The following DLC1 variants were observed in gnomAD, a reference collection of about 807,000 sequenced individuals.
DLC1 encodes the protein DLC1 Rho GTPase activating protein.
In DLC1, 54 loss-of-function variants were observed where a neutral mutation model predicts 140.3. That is an observed-to-expected ratio of 0.38 (90% confidence interval 0.31 to 0.48). The LOEUF is 0.48. DLC1 is among the 20% of genes least tolerant of loss of function. The pLI, the probability that DLC1 is intolerant of heterozygous loss-of-function variation, is 0.96. For synonymous variants in DLC1, 986 were observed against 728.1 expected, an observed-to-expected ratio of 1.35 and a Z score of -5.70; for missense variants, 2,536 against 1,907.0, an observed-to-expected ratio of 1.33 and a Z score of -6.14.
At chr8:13,195,705 C>T (rs1225566816) in intron 5 of DLC1, among the ~76,000 whole-genome samples, 1 of 152,180 alleles carries the variant, frequency 6.6e-6, no homozygotes, top group Admixed American at 6.6e-5. Flanking sequence ...TATTTTCTAA[C>T]ATAGCTCCTT....
intron 2 of DLC1, among the ~76,000 whole-genome samples, chr8:13,488,551 C>T (rs1267838748): frequency 6.6e-6 from 1 of 152,142 alleles, no homozygotes. Flanking sequence ...CCCTTTCCCT[C>T]ATTTATTCCC....
At chr8:13,116,612 T>C (rs1820576687) in intron 5 of DLC1, among the ~76,000 whole-genome samples, 1 of 152,234 alleles carries the variant, frequency 6.6e-6, no homozygotes, top group Non-Finnish European at 1.5e-5. Context: ...GGGAGACTAA[T>C]AGTTCATATC....
At chr8:13,095,538 G>C (rs1053590690) in intron 10 of DLC1, 3 of 328,246 alleles carry the variant, frequency 9.1e-6, no homozygotes, top group African/African-American at 4.1e-5. Flanking sequence ...TCTTCTAAGA[G>C]TGGGGGTTGA....
At chr8:13,532,756 C>T (rs1803141907) in intron 1 of DLC1, among the ~76,000 whole-genome samples, 1 of 152,158 alleles carries the variant, frequency 6.6e-6, no homozygotes, top group South Asian at 2.1e-4. Context: ...GGCTAAAGCA[C>T]AAAGCTCTTA....
chr8:13,237,550 G>A (rs181103536), intron 5 of DLC1, among the ~76,000 whole-genome samples: 35 of 151,900 alleles, frequency 2.3e-4, no homozygotes, highest in Non-Finnish European at 4.4e-5. Context: ...AGGTTTTGGT[G>A]CACCCATCAC....
chr8:13,197,653 T>A (rs113863792), intron 5 of DLC1, among the ~76,000 whole-genome samples: 7 of 151,860 alleles, frequency 4.6e-5, no homozygotes, highest in African/African-American at 1.7e-4. Flanking sequence ...GCCGATTTAT[T>A]TTTTTTTAAA....
intron 5 of DLC1, among the ~76,000 whole-genome samples, chr8:13,195,666 A>G (rs1327041122): frequency 6.6e-6 from 1 of 152,226 alleles, no homozygotes. Context: ...AAGCCATACA[A>G]AAACAGATTT....
chr8:13,195,358 C>A (rs954114035), intron 5 of DLC1, among the ~76,000 whole-genome samples: 1 of 152,184 alleles, frequency 6.6e-6, no homozygotes, highest in Non-Finnish European at 1.5e-5. Flanking sequence ...TTCAATCAAT[C>A]ATGTTCTTAC....
intron 4 of DLC1, among the ~76,000 whole-genome samples, chr8:13,328,614 G>A (rs1486204780): frequency 6.6e-6 from 1 of 152,128 alleles, no homozygotes; most frequent in Non-Finnish European, 1.5e-5. Context: ...GAGAATAGAG[G>A]TCTTGGCTGA....
chr8:13,372,763 A>ATTGTT (rs1402087955), intron 4 of DLC1, among the ~76,000 whole-genome samples: 10 of 152,230 alleles, frequency 6.6e-5, no homozygotes, highest in Admixed American at 2.0e-4. Context: ...TCTTTAGCAC[A>ATTGTT]AGAGTTTTAT....
intron 1 of DLC1, among the ~76,000 whole-genome samples, chr8:13,525,500 T>A (rs980543598): frequency 4.6e-5 from 7 of 152,228 alleles, no homozygotes; most frequent in Admixed American, 2.6e-4. Context: ...CAACAGTTGG[T>A]ATGATGAGTC....
Position 13,099,761 on chromosome 8 carries a change from C to T in DLC1, c.2576G>A (p.Ser859Asn), listed in dbSNP as rs374218921. The T allele has an allele frequency of 9.3e-6, 15 of 1,614,126 alleles. No individual in the cohort carries two copies. In the African/African-American group the frequency reaches 1.5e-4, roughly 16 times the overall value. ...ATTGCGTCTCTTCAGTTCCTTGGGGCTGTCGCTACTGTTTTCCCTCCTGAG... is the reference window on the plus strand; with the variant it reads ...ATTGCGTCTCTTCAGTTCCTTGGGGTTGTCGCTACTGTTTTCCCTCCTGAG... ...ISLRRENSSD[S>N]PKELKRRNSS... Residue 859 changes from serine to asparagine, a missense_variant, in exon 9 of 18, where the codon AGC (serine) becomes AAC (asparagine). Coordinates refer to ENST00000276297, the MANE Select transcript of DLC1 (RefSeq NM_182643.3).
At chr8:13,268,039 A>C (rs551213689) in intron 5 of DLC1, among the ~76,000 whole-genome samples, 1 of 152,296 alleles carries the variant, frequency 6.6e-6, no homozygotes, top group South Asian at 2.1e-4. Flanking sequence ...TACAGCCCAT[A>C]TGTGCTAAAC....
At chr8:13,597,335 G>C (rs1805716084) in intron 1 of DLC1, among the ~76,000 whole-genome samples, 1 of 151,968 alleles carries the variant, frequency 6.6e-6, no homozygotes, top group African/African-American at 2.4e-5. Context: ...CCAAAGACGT[G>C]AACCGTATTG....
rs1000877202 is a variant in DLC1 at position 13,083,365 on chromosome 8, G to C, written c.*2446C>G. On this transcript the variant is annotated 3_prime_UTR_variant, in exon 18 of 18. Transcript: ENST00000276297. ...AACAGAAGCTAATCCAATCAGTTCAGTATAGCAAATAATAAATTTATTAGG... is the reference window on the plus strand; with the variant it reads ...AACAGAAGCTAATCCAATCAGTTCACTATAGCAAATAATAAATTTATTAGG... The C allele has an allele frequency of 6.6e-6, 1 of 152,056 alleles. No individual in the cohort carries two copies. Among genetic ancestry groups the C allele is most frequent in the Non-Finnish European group, 1.5e-5 (1 of 68,030 alleles). The allele number at this position is 152,056 out of a possible 1,614,324, so 9.4% of individuals were successfully genotyped here.
chr8:13,246,720 C>T (rs1829779662), intron 5 of DLC1, among the ~76,000 whole-genome samples: 1 of 151,856 alleles, frequency 6.6e-6, no homozygotes, highest in Non-Finnish European at 1.5e-5. Context: ...GCCATTGCTT[C>T]ACTAACATCT....
At chr8:13,531,867 C>G (rs1189861303) in intron 1 of DLC1, among the ~76,000 whole-genome samples, 1 of 152,064 alleles carries the variant, frequency 6.6e-6, no homozygotes, top group Non-Finnish European at 1.5e-5. Context: ...CCATATATTA[C>G]AAAAGGAAAA....
intron 2 of DLC1, among the ~76,000 whole-genome samples, chr8:13,487,304 C>T (rs1330012550): frequency 2.0e-5 from 3 of 151,982 alleles, no homozygotes; most frequent in African/African-American, 7.3e-5. Context: ...AATATTCCTG[C>T]CATAGGTTTG....
At chr8:13,541,131 T>G (rs559483197) in intron 1 of DLC1, among the ~76,000 whole-genome samples, 1 of 152,356 alleles carries the variant, frequency 6.6e-6, no homozygotes, top group African/African-American at 2.4e-5. Flanking sequence ...TGCATGGAAG[T>G]TGTTCAGACT....
Sources: allele counts gnomAD v4.1 joint callset (sites outside exome capture counted in the v4.1 genomes callset), GRCh38; gene constraint gnomAD v4.1.1; transcripts MANE v1.5; gene names NCBI Gene and HGNC (gene_info 2026-07-23, HGNC 2026-07-21).